SVOPL: variants seen among roughly 807,000 people sequenced by gnomAD.
SVOPL encodes the protein putative transporter SVOPL.
A neutral mutation model predicts 61.0 loss-of-function variants in SVOPL; 60 were observed. The observed-to-expected ratio is 0.98, with a 90% CI of 0.80 to 1.22. SVOPL has a LOEUF of 1.22. Ranked by LOEUF, SVOPL falls within the 50% of genes most tolerant of loss-of-function variation. The pLI is 0.00. For missense variants in SVOPL, 662 were observed against 643.9 expected (o/e 1.03, Z -0.30); for synonymous variants, 279 against 250.0 (o/e 1.12, Z -1.09).
intron 15 of SVOPL, among the ~76,000 whole-genome samples, chr7:138,595,085 T>G (rs1798225891): frequency 6.6e-6 from 1 of 152,082 alleles, no homozygotes; most frequent in Non-Finnish European, 1.5e-5. Flanking sequence ...GTGTTTTAGA[T>G]TTTTAGTTTA....
At chr7:138,628,482 G>C in intron 10 of SVOPL, 119 bp from the exon 11 acceptor site, 2 of 975,064 alleles carry the variant, frequency 2.1e-6, no homozygotes, top group Middle Eastern at 3.0e-4. Context: ...AGAAAGCCAG[G>C]CTCAGACGCC....
Position 138,594,553 on chromosome 7 carries a change from G to A in SVOPL, c.*57C>T, listed in dbSNP as rs1224793063. Reference sequence around the variant, plus strand: ...AAACCAAGTTTTAAAAAAATGCACCGCAGTTCTGAAGATAGAATTCATTTT... The same window carrying A: ...AAACCAAGTTTTAAAAAAATGCACCACAGTTCTGAAGATAGAATTCATTTT... On this transcript the variant is annotated 3_prime_UTR_variant, in exon 16 of 16. Coordinates refer to ENST00000674285, the MANE Select transcript of SVOPL (RefSeq NM_001139456.2). The A allele has an allele frequency of 3.7e-5, 57 of 1,536,148 alleles. No homozygotes were observed. Among genetic ancestry groups the A allele is most frequent in the South Asian group, 2.3e-4 (19 of 82,522 alleles).
chr7:138,594,503 A>G lies in SVOPL; in HGVS notation c.*107T>C, dbSNP rs1026702882. 23 of 977,396 alleles carry G rather than the reference A, an allele frequency of 2.4e-5. No individual in the cohort carries two copies. The highest frequency in any genetic ancestry group is 3.1e-5 in the Non-Finnish European group (21 of 668,498). 60.5% of individuals were successfully genotyped at this position (977,396 alleles called of 1,614,324 possible). A position where few individuals can be genotyped will look rare whatever the true frequency, so the allele number is the denominator to read the frequency against. On this transcript the variant is annotated 3_prime_UTR_variant, in exon 16 of 16. Transcript: ENST00000674285. Reference sequence around the variant, plus strand: ...CCTTTAAAAAAAAAATCACTTTACTAATTACCGAGTAGCATACAGAAGTAA... The same window carrying G: ...CCTTTAAAAAAAAAATCACTTTACTGATTACCGAGTAGCATACAGAAGTAA...
intron 14 of SVOPL, among the ~76,000 whole-genome samples, chr7:138,619,560 T>C (rs1244983290): frequency 2.0e-5 from 1 of 49,866 alleles, no homozygotes; most frequent in African/African-American, 8.3e-5. Context: ...TTCTCAGATG[T>C]TAAAAAAAAA....
chr7:138,697,786 GAGAAGAAGAAGAGGA>G (rs1024726305), intron 1 of SVOPL, among the ~76,000 whole-genome samples: 2 of 150,462 alleles, frequency 1.3e-5, no homozygotes, highest in South Asian at 2.1e-4. Context: ...GGAGGAGAAG[GAGAAGAAGAAGAGGA>G]AGAAGAAGAA....
At chr7:138,648,092 T>A (rs1008071033) in intron 8 of SVOPL, among the ~76,000 whole-genome samples, 3 of 152,154 alleles carry the variant, frequency 2.0e-5, no homozygotes, top group Admixed American at 6.6e-5. Context: ...AGGAAGATGA[T>A]GATTCTACAG....
chr7:138,636,422 T>C (rs1266086456), intron 9 of SVOPL, among the ~76,000 whole-genome samples: 1 of 151,620 alleles, frequency 6.6e-6, no homozygotes, highest in Non-Finnish European at 1.5e-5. Flanking sequence ...ACTGATTCTC[T>C]CTACATTATT....
Position 138,628,280 on chromosome 7 carries a change from G to T in SVOPL, c.947C>A (p.Ser316Ter). 1 of 1,614,170 alleles carries T rather than the reference G, an allele frequency of 6.2e-7. No homozygotes were observed. The highest frequency in any genetic ancestry group is 8.5e-7 in the Non-Finnish European group (1 of 1,180,034). The change falls in exon 11 of 16, where the codon TCA becomes TAA. Residue 316 changes from serine (S) to a stop codon, truncating the protein, a stop_gained. Transcript: ENST00000674285. LOFTEE classifies it high-confidence loss of function. ...CCCAGTCACCACCACCGCAGAGTCT[G>T]ACTTTGAACCACAGACCAAGTCCCG... ...LERDLVCGSK[S>*]DSAVVVTGGD...
chr7:138,642,846 A>AG (rs1563113060), intron 9 of SVOPL, among the ~76,000 whole-genome samples: 1 of 17,738 alleles, frequency 5.6e-5, no homozygotes, highest in African/African-American at 8.8e-5. Flanking sequence ...AAAAAAAAAA[A>AG]AAAAGAAGAA....
At chr7:138,620,330 A>G (rs1483793992) in intron 14 of SVOPL, among the ~76,000 whole-genome samples, 1 of 148,914 alleles carries the variant, frequency 6.7e-6, no homozygotes, top group African/African-American at 2.5e-5. Context: ...CATGCTGCCC[A>G]GCCTGGTCTC....
chr7:138,678,866 G>T, intron 2 of SVOPL, 98 bp downstream of exon 2: 1 of 1,257,718 alleles, frequency 8.0e-7, no homozygotes, highest in Non-Finnish European at 1.1e-6. Context: ...CACCATGCCT[G>T]GCTGCTTCTT....
chr7:138,637,958 TAAAAAATA>T (rs1800577988), intron 9 of SVOPL, among the ~76,000 whole-genome samples: 1 of 150,234 alleles, frequency 6.7e-6, no homozygotes, highest in African/African-American at 2.5e-5. Flanking sequence ...TCTCAAAAAA[TAAAAAATA>T]AAATAAATAA....
At chr7:138,678,250 A>G (rs909034312) in intron 3 of SVOPL, among the ~76,000 whole-genome samples, 184 bp downstream of exon 3, 1 of 151,690 alleles carries the variant, frequency 6.6e-6, no homozygotes, top group Non-Finnish European at 1.5e-5. Context: ...GTATTTCTTA[A>G]ATGTATTTGA....
intron 3 of SVOPL, among the ~76,000 whole-genome samples, chr7:138,674,254 C>T (rs1054834051): frequency 2.0e-5 from 3 of 151,716 alleles, no homozygotes; most frequent in Non-Finnish European, 4.4e-5. Context: ...GTCCTGGTCA[C>T]AGGCTGAGGC....
chr7:138,604,677 CAAAA>C (rs5887890), intron 14 of SVOPL, among the ~76,000 whole-genome samples: 27 of 58,790 alleles, frequency 4.6e-4, no homozygotes, highest in South Asian at 7.1e-4. Context: ...AACTTTATCT[CAAAA>C]AAAAAAAAAA....
At chr7:138,648,876 T>C in intron 8 of SVOPL, 136 bp downstream of exon 8, 1 of 1,312,562 alleles carries the variant, frequency 7.6e-7, no homozygotes, top group African/African-American at 1.5e-5. Flanking sequence ...GAGCCGAGAT[T>C]GCACCTCTGC....
intron 7 of SVOPL, among the ~76,000 whole-genome samples, chr7:138,650,006 G>A (rs58646851): frequency 0.048 from 7,223 of 151,812 alleles, 344 homozygotes; most frequent in East Asian, 0.22. Context: ...TAATTTTTGT[G>A]TTTTTAGTAG....
intron 13 of SVOPL, among the ~76,000 whole-genome samples, chr7:138,622,270 G>GTATCTATCTATCTATGTATCTATC (rs1799694968): frequency 2.4e-5 from 2 of 83,738 alleles, no homozygotes; most frequent in South Asian, 4.2e-4. Context: ...ATCTATCTAT[G>GTATCTATCTATCTATGTATCTATC]TATCTATCTA....
chr7:138,613,176 C>T (rs962360609), intron 14 of SVOPL, among the ~76,000 whole-genome samples: 4 of 151,890 alleles, frequency 2.6e-5, no homozygotes, highest in African/African-American at 7.3e-5. Flanking sequence ...CGTGCCACCA[C>T]GCCTGGCTAA....
Sources: gnomAD v4.1 joint callset for allele counts (sites outside exome capture counted in the v4.1 genomes callset) on GRCh38, gnomAD v4.1.1 for gene constraint, MANE v1.5 for transcripts, NCBI Gene and HGNC (gene_info 2026-07-23, HGNC 2026-07-21) for gene names.